DNAJC1: variants seen among roughly 807,000 people sequenced by gnomAD.
DNAJC1 encodes the protein DnaJ heat shock protein family (Hsp40) member C1, also known as dnaJ homolog subfamily C member 1.
A neutral mutation model predicts 76.6 loss-of-function variants in DNAJC1; 58 were observed. That is an observed-to-expected ratio of 0.76 (90% CI 0.61 to 0.94). The LOEUF (loss-of-function observed/expected upper bound fraction) is 0.94, where lower values mean the gene tolerates loss of function less well. Ranked by LOEUF, DNAJC1 falls within the 40% of genes least tolerant of loss-of-function variation. The pLI, the probability that DNAJC1 is intolerant of heterozygous loss-of-function variation, is 0.00. For synonymous variants in DNAJC1, 258 were observed against 267.9 expected, an observed-to-expected ratio of 0.96 and a Z score of 0.36; for missense variants, 689 against 677.3, an observed-to-expected ratio of 1.02 and a Z score of -0.19.
intron 8 of DNAJC1, among the ~76,000 whole-genome samples, chr10:21,843,794 C>T (rs947298684): frequency 2.6e-5 from 4 of 151,088 alleles, no homozygotes; most frequent in Non-Finnish European, 5.9e-5. Context: ...GGCTGAAGTG[C>T]AGTGGTGTGA....
intron 4 of DNAJC1, 87 bp downstream of exon 4, chr10:21,920,711 G>A: frequency 7.6e-7 from 1 of 1,310,116 alleles, no homozygotes; most frequent in Non-Finnish European, 1.0e-6. Context: ...GAGAGAAACA[G>A]AAATTTTCAT....
chr10:21,774,140 C>CA (rs1285771891), intron 9 of DNAJC1, among the ~76,000 whole-genome samples: 6,384 of 54,564 alleles, frequency 0.12, 256 homozygotes, highest in Middle Eastern at 0.19. Context: ...GACTCCGTCT[C>CA]AAAAAAAAAA....
At chr10:21,937,275 A>T (rs1837324389) in intron 1 of DNAJC1, among the ~76,000 whole-genome samples, 1 of 152,158 alleles carries the variant, frequency 6.6e-6, no homozygotes, top group South Asian at 2.1e-4. Flanking sequence ...AATGGATGAA[A>T]AAAGATATTC....
At chr10:21,765,922 CAG>C (rs1027623973) in intron 10 of DNAJC1, among the ~76,000 whole-genome samples, 1 of 152,216 alleles carries the variant, frequency 6.6e-6, no homozygotes, top group Non-Finnish European at 1.5e-5. Flanking sequence ...GCGGCAGTGA[CAG>C]GGGTGGACAG....
chr10:21,956,460 T>C (rs557515618), intron 1 of DNAJC1, among the ~76,000 whole-genome samples: 3 of 151,974 alleles, frequency 2.0e-5, no homozygotes, highest in Non-Finnish European at 4.4e-5. Context: ...TGAAAGTTAA[T>C]AGATTAAATA....
intron 7 of DNAJC1, among the ~76,000 whole-genome samples, chr10:21,890,685 C>T (rs1259589234): frequency 6.6e-6 from 1 of 152,148 alleles, no homozygotes; most frequent in African/African-American, 2.4e-5. Flanking sequence ...GACTTCAATT[C>T]TACCTAGCAG....
At position 21,971,409 on chromosome 10, in the gene DNAJC1, T is replaced by C. The variant is rs571946739; in HGVS notation, c.222+31804A>G. On this transcript the variant is annotated intron_variant, in intron 1 of 11. Transcript: ENST00000376980. Reference sequence around the variant, plus strand: ...ATTACAAAGAGACATATCTTATTCTTCTCTTTGTTATGTATTTATAATGAC... The same window carrying C: ...ATTACAAAGAGACATATCTTATTCTCCTCTTTGTTATGTATTTATAATGAC... Among the ~76,000 whole-genome samples, 4 of 151,938 alleles carry C rather than the reference T, an allele frequency of 2.6e-5. No individual in the cohort carries two copies. In the East Asian group the frequency reaches 7.7e-4, roughly 29 times the overall value.
Position 21,882,391 on chromosome 10 carries a change from G to A in DNAJC1, c.869C>T (p.Pro290Leu). The change falls in exon 8 of 12, where the codon CCT becomes CTT. Residue 290 changes from proline to leucine, a missense_variant. Pro to Leu is a moderately conservative substitution (Grantham distance 98, BLOSUM62 -3). Transcript: ENST00000376980. ...KPKPEFPVYT[P>L]LETTYIQSYD... is the part of the protein sequence containing the mutation. ...AGACTGAATATATGTAGTTTCTAAAGGTGTGTATACAGGAAATTCAGGTTT... is the reference window on the plus strand; with the variant it reads ...AGACTGAATATATGTAGTTTCTAAAAGTGTGTATACAGGAAATTCAGGTTT... The A allele has an allele frequency of 6.4e-6, 10 of 1,574,412 alleles. No homozygotes were observed. The highest frequency in any genetic ancestry group is 8.6e-6 in the Non-Finnish European group (10 of 1,165,372).
chr10:21,826,623 T>A (rs2131664148), intron 8 of DNAJC1, among the ~76,000 whole-genome samples: 1 of 152,338 alleles, frequency 6.6e-6, no homozygotes, highest in South Asian at 2.1e-4. Context: ...TTCTACTAGT[T>A]TTATAATTTT....
chr10:21,935,273 A>T (rs540365106), intron 1 of DNAJC1, among the ~76,000 whole-genome samples: 10 of 152,296 alleles, frequency 6.6e-5, no homozygotes, highest in African/African-American at 2.4e-4. Flanking sequence ...ATAATTGAGA[A>T]TATCAACAAA....
chr10:21,978,882 A>G (rs1033516890), intron 1 of DNAJC1, among the ~76,000 whole-genome samples: 1 of 152,086 alleles, frequency 6.6e-6, no homozygotes, highest in African/African-American at 2.4e-5. Context: ...AAAAATACAT[A>G]TATAGGAAAT....
chr10:21,990,014 T>C (rs1255478632), intron 1 of DNAJC1, among the ~76,000 whole-genome samples: 1 of 152,212 alleles, frequency 6.6e-6, no homozygotes, highest in East Asian at 1.9e-4. Flanking sequence ...AATGCCAAAG[T>C]CTAAAACATT....
chr10:22,003,424 G>A lies in DNAJC1; in HGVS notation c.11C>T (p.Pro4Leu), dbSNP rs2131858774. The stretch of plus-strand genomic sequence containing the variant: ...AGGAAGCTGCGCCGGCTGGGAGCAA[G>A]GAGCCGTCATCGCGCTGGGCTCGGA... The part of the protein sequence containing the change: MTA[P>L]CSQPAQLPGR... The change falls in exon 1 of 12, where the codon CCT (proline) becomes CTT (leucine). Residue 4 changes from proline to leucine, a missense_variant. Pro to Leu is a moderately conservative substitution (Grantham distance 98). Transcript: ENST00000376980. 8.0e-6 allele frequency: 11 copies of A among 1,366,666 alleles called. No individual in the cohort carries two copies. Among genetic ancestry groups the A allele is most frequent in the African/African-American group, 1.5e-5 (1 of 65,362 alleles). 84.7% of individuals were successfully genotyped at this position (1,366,666 alleles called of 1,614,324 possible).
intron 10 of DNAJC1, among the ~76,000 whole-genome samples, chr10:21,760,714 G>T (rs1834230925): frequency 6.6e-6 from 1 of 152,076 alleles, no homozygotes; most frequent in South Asian, 2.1e-4. Context: ...GCTACATGTG[G>T]CAAGTGGCTA....
intron 8 of DNAJC1, among the ~76,000 whole-genome samples, chr10:21,846,984 T>G (rs1007469067): frequency 1.3e-5 from 2 of 151,958 alleles, no homozygotes; most frequent in Non-Finnish European, 2.9e-5. Flanking sequence ...GATAGGAAGC[T>G]TCTATGATAA....
chr10:21,813,114 T>TACAC (rs1483058700), intron 8 of DNAJC1, among the ~76,000 whole-genome samples: 1 of 144,750 alleles, frequency 6.9e-6, no homozygotes, highest in Non-Finnish European at 1.5e-5. Context: ...TATATATATA[T>TACAC]ATACAGCTTC....
chr10:21,769,058 A>G (rs1231213909), intron 9 of DNAJC1, among the ~76,000 whole-genome samples: 1 of 152,100 alleles, frequency 6.6e-6, no homozygotes, highest in Non-Finnish European at 1.5e-5. Context: ...ATGTTCCTCC[A>G]CTGGCCTCTC....
chr10:21,858,988 TA>T (rs1229424775), intron 8 of DNAJC1, among the ~76,000 whole-genome samples: 3 of 152,188 alleles, frequency 2.0e-5, no homozygotes, highest in African/African-American at 7.2e-5. Flanking sequence ...GTAAAAAAAG[TA>T]TATCACCAAC....
intron 8 of DNAJC1, among the ~76,000 whole-genome samples, chr10:21,845,508 C>T (rs1835643620): frequency 6.6e-6 from 1 of 151,938 alleles, no homozygotes; most frequent in South Asian, 2.1e-4. Flanking sequence ...GTGTGTGCCA[C>T]CATGCCCGGC....
Sources: allele counts gnomAD v4.1 joint callset (sites outside exome capture counted in the v4.1 genomes callset), GRCh38; gene constraint gnomAD v4.1.1; transcripts MANE v1.5; gene names NCBI Gene and HGNC (gene_info 2026-07-23, HGNC 2026-07-21).